The following RGS7 variants were observed in gnomAD, a reference collection of about 807,000 sequenced individuals.
The protein encoded by RGS7 is regulator of G protein signaling 7, also known as regulator of G-protein signaling 7.
In RGS7, 27 loss-of-function variants were observed where a neutral mutation model predicts 81.1. The ratio of observed to expected loss-of-function variants is 0.33; its 90% CI spans 0.25 to 0.46. The LOEUF (loss-of-function observed/expected upper bound fraction) is 0.46. Among genes scored for constraint, RGS7 ranks in the 20% least tolerant of loss-of-function variants. The probability of loss-of-function intolerance (pLI) is 1.00; values close to 1 mark genes in which losing one functional copy is unlikely to be tolerated. For synonymous variants in RGS7, 208 were observed against 207.7 expected (o/e 1.00, Z -0.01); for missense variants, 396 against 607.4 (o/e 0.65, Z 3.66).
At chr1:241,237,840 C>T (rs935892756) in intron 2 of RGS7, among the ~76,000 whole-genome samples, 5 of 152,158 alleles carry the variant, frequency 3.3e-5, no homozygotes, top group African/African-American at 1.2e-4. Context: ...GTCAGTGCAG[C>T]TTTTTACTGT....
chr1:240,802,552 C>T (rs941397676), intron 16 of RGS7, among the ~76,000 whole-genome samples: 1 of 152,104 alleles, frequency 6.6e-6, no homozygotes, highest in Non-Finnish European at 1.5e-5. Flanking sequence ...ACAAAGAAAC[C>T]TCTCTTCAAG....
chr1:241,317,738 A>G (rs2080967307), intron 2 of RGS7, among the ~76,000 whole-genome samples: 1 of 152,176 alleles, frequency 6.6e-6, no homozygotes, highest in Non-Finnish European at 1.5e-5. Context: ...ACATCATTAG[A>G]TGTATCTTTT....
chr1:241,147,683 C>T (rs1327847053), intron 2 of RGS7, among the ~76,000 whole-genome samples: 1 of 149,752 alleles, frequency 6.7e-6, no homozygotes, highest in Non-Finnish European at 1.5e-5. Flanking sequence ...CAGTAAAGCA[C>T]ATCTTTAAAT....
At chr1:241,035,881 C>T (rs1407855779) in intron 3 of RGS7, among the ~76,000 whole-genome samples, 2 of 152,222 alleles carry the variant, frequency 1.3e-5, no homozygotes, top group African/African-American at 4.8e-5. Context: ...ATATGCCCCA[C>T]TTCGTTGAAT....
chr1:240,995,875 T>C (rs888344269), intron 3 of RGS7, among the ~76,000 whole-genome samples: 2 of 152,216 alleles, frequency 1.3e-5, no homozygotes, highest in Middle Eastern at 3.4e-3. Context: ...TTTGCTCTTC[T>C]TCTATGTTCT....
chr1:241,041,367 T>G (rs140397120), intron 3 of RGS7, among the ~76,000 whole-genome samples: 130 of 152,216 alleles, frequency 8.5e-4, no homozygotes, highest in African/African-American at 3.1e-3. Flanking sequence ...GTTCATTTTG[T>G]ATATTATTTA....
chr1:240,945,799 T>C (rs1351841385), intron 4 of RGS7, among the ~76,000 whole-genome samples: 1 of 152,242 alleles, frequency 6.6e-6, no homozygotes, highest in East Asian at 1.9e-4. Flanking sequence ...AAAGTATCAT[T>C]TTAAAAATCC....
intron 2 of RGS7, among the ~76,000 whole-genome samples, chr1:241,339,229 T>G (rs1422171433): frequency 1.3e-5 from 2 of 152,258 alleles, no homozygotes; most frequent in African/African-American, 4.8e-5. Flanking sequence ...CTTTCCTTTT[T>G]AAGGCTGCGT....
rs373357799 is a variant in RGS7 at position 241,271,884 on chromosome 1, CGTGTGTGTGTGTGTGTGTGT to C, written c.78+83795_78+83814del. Among the ~76,000 whole-genome samples, 13 of 140,378 alleles carry C rather than the reference CGTGTGTGTGTGTGTGTGTGT, an allele frequency of 9.3e-5. No individual in the cohort carries two copies. Among genetic ancestry groups the C allele is most frequent in the African/African-American group, 1.6e-4 (6 of 36,980 alleles). 92.1% of individuals were successfully genotyped at this position (140,378 alleles called of 152,430 possible). ...AATCACACAAGCCAAATCTTTATAA[CGTGTGTGTGTGTGTGTGTGT>C]GTGTGTGTGTGTGTGTGTGTGTGTG... is the stretch of plus-strand genomic sequence containing the variant. On this transcript the variant is annotated intron_variant, in intron 2 of 18. Transcript: ENST00000440928. The surrounding 1 kb of genome is among the most constrained non-coding windows in gnomAD (Gnocchi z 4.6).
intron 2 of RGS7, among the ~76,000 whole-genome samples, chr1:241,292,550 G>A (rs1184701363): frequency 2.0e-5 from 3 of 152,180 alleles, no homozygotes; most frequent in African/African-American, 4.8e-5. Context: ...TAGTCAACCA[G>A]AGAGACAAAT....
chr1:241,306,946 C>G (rs1343188350), intron 2 of RGS7, among the ~76,000 whole-genome samples: 1 of 152,136 alleles, frequency 6.6e-6, no homozygotes, highest in Non-Finnish European at 1.5e-5. Context: ...ACACTAACAA[C>G]CAGGTAATGA....
chr1:241,129,378 TAA>T (rs763222853), intron 2 of RGS7, among the ~76,000 whole-genome samples: 5 of 152,202 alleles, frequency 3.3e-5, no homozygotes, highest in Non-Finnish European at 7.3e-5. Flanking sequence ...CAGATTTGGT[TAA>T]GTCAGATTCT....
intron 6 of RGS7, among the ~76,000 whole-genome samples, chr1:240,880,275 C>A (rs1666145351): frequency 6.6e-6 from 1 of 152,222 alleles, no homozygotes; most frequent in Non-Finnish European, 1.5e-5. Flanking sequence ...GTCCCGGGCT[C>A]CAGCAGTTCT....
At chr1:241,344,825 T>C (rs751345458) in intron 2 of RGS7, among the ~76,000 whole-genome samples, 1 of 152,238 alleles carries the variant, frequency 6.6e-6, no homozygotes, top group Non-Finnish European at 1.5e-5. Context: ...TTTAGTTCAT[T>C]TACTGAGCAC....
intron 2 of RGS7, among the ~76,000 whole-genome samples, chr1:241,237,903 C>A (rs114974266): frequency 0.015 from 2,230 of 152,244 alleles, 53 homozygotes; most frequent in African/African-American, 0.051. Flanking sequence ...CTGAGAATTC[C>A]GACTGAGGCA....
chr1:241,146,514 G>A (rs1384705135), intron 2 of RGS7, among the ~76,000 whole-genome samples: 4 of 152,060 alleles, frequency 2.6e-5, no homozygotes, highest in African/African-American at 9.7e-5. Context: ...CCCTATCCTT[G>A]CTCAACAAAA....
At chr1:240,816,588 T>C (rs530790924) in intron 10 of RGS7, among the ~76,000 whole-genome samples, 173 bp from the exon 11 acceptor site, 16 of 152,126 alleles carry the variant, frequency 1.1e-4, no homozygotes, top group Non-Finnish European at 2.1e-4. Flanking sequence ...GCATATAAAA[T>C]AGAAGCACAG....
At chr1:241,026,755 T>G (rs1308788479) in intron 3 of RGS7, among the ~76,000 whole-genome samples, 2 of 152,078 alleles carry the variant, frequency 1.3e-5, no homozygotes, top group South Asian at 2.1e-4. Flanking sequence ...TTCTAGATAT[T>G]GTTAAGTACT....
chr1:241,255,936 C>T (rs1217709948), intron 2 of RGS7, among the ~76,000 whole-genome samples: 1 of 152,048 alleles, frequency 6.6e-6, no homozygotes, highest in Non-Finnish European at 1.5e-5. Flanking sequence ...ATCTATGTTT[C>T]CGGAAATTTT....
Sources: allele counts gnomAD v4.1 joint callset (sites outside exome capture counted in the v4.1 genomes callset), GRCh38; gene constraint gnomAD v4.1.1; non-coding constraint Gnocchi (gnomAD v3.1); transcripts MANE v1.5; gene names NCBI Gene and HGNC (gene_info 2026-07-23, HGNC 2026-07-21).